DENND1B: variants seen among roughly 807,000 people sequenced by gnomAD.
The protein encoded by DENND1B is DENN domain-containing protein 1B.
A neutral mutation model predicts 90.1 loss-of-function variants in DENND1B; 59 were observed. The observed-to-expected ratio is 0.65, with a 90% CI of 0.53 to 0.81. The LOEUF is 0.81. Ranked by LOEUF, DENND1B falls within the 40% of genes least tolerant of loss-of-function variation. DENND1B has a pLI of 0.00. For missense variants in DENND1B, 862 were observed against 912.6 expected, an observed-to-expected ratio of 0.94 and a Z score of 0.71; for synonymous variants, 337 against 324.6, an observed-to-expected ratio of 1.04 and a Z score of -0.41.
At chr1:197,775,790 A>C (rs1010679461), upstream of DENND1B, 1 of 152,338 alleles carries the variant, frequency 6.6e-6, no homozygotes, top group Admixed American at 6.5e-5. Flanking sequence ...AGTACCTGGA[A>C]AAGTACCTCG....
At chr1:197,755,965 A>G (rs1654226263) in intron 2 of DENND1B, among the ~76,000 whole-genome samples, 2 of 152,236 alleles carry the variant, frequency 1.3e-5, no homozygotes, top group East Asian at 1.9e-4. Flanking sequence ...GGGTGGGAAC[A>G]CAGAGCCAAC....
At chr1:197,623,980 A>G (rs768313743) in intron 10 of DENND1B, among the ~76,000 whole-genome samples, 3 of 151,760 alleles carry the variant, frequency 2.0e-5, no homozygotes, top group African/African-American at 4.8e-5. Context: ...GGAAGACTCA[A>G]TACTGTGAAG....
chr1:197,699,873 G>T (rs1464137289), intron 3 of DENND1B, among the ~76,000 whole-genome samples: 2 of 151,978 alleles, frequency 1.3e-5, no homozygotes, highest in Non-Finnish European at 2.9e-5. Flanking sequence ...ACTACAAAGA[G>T]AATAAAATAC....
chr1:197,531,064 T>C lies in DENND1B; in HGVS notation c.1515+8900A>G, dbSNP rs116039400. Among the ~76,000 whole-genome samples, 904 of 152,348 alleles carry C rather than the reference T, an allele frequency of 5.9e-3. 3 individuals carry two copies. The highest frequency in any genetic ancestry group is 0.021 in the African/African-American group (871 of 41,580). On this transcript the variant is annotated intron_variant, in intron 20 of 22. Transcript: ENST00000620048. ...TTCTGCTATTTATTACTTGTAGAAC[T>C]CTGGGCACATTTATTAGTCTCCATT...
At chr1:197,525,208 G>A (rs1669057732) in intron 20 of DENND1B, among the ~76,000 whole-genome samples, 1 of 152,054 alleles carries the variant, frequency 6.6e-6, no homozygotes, top group Non-Finnish European at 1.5e-5. Context: ...CATATGCCAA[G>A]TAATTATATC....
At chr1:197,642,614 T>C (rs1300326153) in intron 10 of DENND1B, 97 bp downstream of exon 10, 2 of 752,306 alleles carry the variant, frequency 2.7e-6, no homozygotes, top group Non-Finnish European at 4.3e-6. Flanking sequence ...TATTGTCTTA[T>C]AAGTACACAT....
intron 2 of DENND1B, chr1:197,735,706 C>A (rs1662600051): frequency 6.2e-7 from 1 of 1,613,938 alleles, no homozygotes; most frequent in Non-Finnish European, 8.5e-7. Flanking sequence ...TACGCCAGGA[C>A]CGACAGGAAA....
intron 20 of DENND1B, among the ~76,000 whole-genome samples, chr1:197,520,612 T>G (rs533610125): frequency 6.6e-6 from 1 of 152,104 alleles, no homozygotes; most frequent in East Asian, 1.9e-4. Context: ...TTAACACTGG[T>G]TATTTCACTA....
chr1:197,552,229 A>G, intron 16 of DENND1B: 1 of 984,358 alleles, frequency 1.0e-6, no homozygotes, highest in Non-Finnish European at 1.2e-6. Context: ...CTATTATACC[A>G]GGCCAAAAAT....
upstream of DENND1B, among the ~76,000 whole-genome samples, chr1:197,776,318 C>G (rs1222422440): frequency 6.6e-6 from 1 of 152,198 alleles, no homozygotes; most frequent in Non-Finnish European, 1.5e-5. Flanking sequence ...GGAGTTCACA[C>G]CAGGTCTATC....
At chr1:197,584,485 C>A (rs989730764) in intron 14 of DENND1B, among the ~76,000 whole-genome samples, 1 of 152,124 alleles carries the variant, frequency 6.6e-6, no homozygotes, top group African/African-American at 2.4e-5. Context: ...AGATATAGAA[C>A]ATTTCCTTCA....
At chr1:197,643,825 C>T (rs1231506221) in intron 9 of DENND1B, among the ~76,000 whole-genome samples, 5 of 152,202 alleles carry the variant, frequency 3.3e-5, no homozygotes, top group African/African-American at 1.2e-4. Flanking sequence ...TTTAGATCTT[C>T]TCCTTTCTTA....
intron 14 of DENND1B, among the ~76,000 whole-genome samples, chr1:197,587,123 T>C (rs1349797661): frequency 6.6e-6 from 1 of 152,214 alleles, no homozygotes; most frequent in Non-Finnish European, 1.5e-5. Context: ...ATTTAATACA[T>C]ACTTAAGAAT....
chr1:197,673,447 C>G (rs1294734432), intron 4 of DENND1B, among the ~76,000 whole-genome samples: 1 of 152,018 alleles, frequency 6.6e-6, no homozygotes, highest in Admixed American at 6.6e-5. Context: ...AATAAACATT[C>G]TTTCAAAAAC....
At chr1:197,732,115 T>C (rs1412531438) in intron 2 of DENND1B, among the ~76,000 whole-genome samples, 1 of 152,204 alleles carries the variant, frequency 6.6e-6, no homozygotes, top group Non-Finnish European at 1.5e-5. Flanking sequence ...TCTCTTCATA[T>C]AAATTTACCT....
chr1:197,652,400 A>G, intron 6 of DENND1B, 85 bp from the exon 7 acceptor site: 1 of 989,108 alleles, frequency 1.0e-6, no homozygotes, highest in South Asian at 1.7e-5. Context: ...ATAATCTACT[A>G]TGGCTTTTCA....
At chr1:197,602,528 T>C (rs1464261386) in intron 13 of DENND1B, among the ~76,000 whole-genome samples, 2 of 151,494 alleles carry the variant, frequency 1.3e-5, no homozygotes, top group Non-Finnish European at 3.0e-5. Flanking sequence ...TTAAACACAA[T>C]AAAGATTACA....
At position 197,504,855 on chromosome 1, in the gene DENND1B, C is replaced by T. The variant is rs550214793; in HGVS notation, c.*5605G>A. 2.0e-5 allele frequency: 3 copies of T among 151,770 alleles called. No individual in the cohort carries two copies. Among genetic ancestry groups the T allele is most frequent in the East Asian group, 1.9e-4 (1 of 5,142 alleles). The allele number at this position is 151,770 out of a possible 1,614,324, so 9.4% of individuals were successfully genotyped here. A position where few individuals can be genotyped will look rare whatever the true frequency, so the allele number is the denominator to read the frequency against. On this transcript the variant is annotated 3_prime_UTR_variant, in exon 23 of 23. Transcript: ENST00000620048. ...CATATTTTTAAAAAAATTCCCAAAG[C>T]GATGCTTTTATACACATCTTCCCAA...
Position 197,609,367 on chromosome 1 carries a change from T to C in DENND1B, c.820-2193A>G, listed in dbSNP as rs143357622. Among the ~76,000 whole-genome samples, 12 of 150,632 alleles carry C rather than the reference T, an allele frequency of 8.0e-5. No individual in the cohort carries two copies. In the East Asian group the frequency reaches 2.3e-3, roughly 29 times the overall value. On this transcript the variant is annotated intron_variant, in intron 12 of 22. Coordinates refer to ENST00000620048, the MANE Select transcript of DENND1B (RefSeq NM_001195215.2). ...CAGCAATCACATGATCTTATAAACC[T>C]GGGTCAACATTTTATTTAGAATCCA...
Sources: allele counts gnomAD v4.1 joint callset (sites outside exome capture counted in the v4.1 genomes callset), GRCh38; gene constraint gnomAD v4.1.1; transcripts MANE v1.5; gene names NCBI Gene and HGNC (gene_info 2026-07-23, HGNC 2026-07-21).